C4orf51: variants seen among roughly 807,000 people sequenced by gnomAD.
C4orf51 encodes the protein uncharacterized protein C4orf51.
C4orf51 carries 25 observed loss-of-function variants against 25.2 expected under a neutral mutation model. The observed-to-expected ratio is 0.99, with a 90% CI of 0.72 to 1.39. The LOEUF (loss-of-function observed/expected upper bound fraction) is 1.39. C4orf51 is among the 40% of genes most tolerant of loss of function. C4orf51 has a pLI of 0.00. For synonymous variants in C4orf51, 100 were observed against 84.5 expected (o/e 1.18, Z -1.01); for missense variants, 252 against 239.6 (o/e 1.05, Z -0.34).
At chr4:145,729,084 G>A (rs954905966) in intron 3 of C4orf51, 85 bp from the exon 4 acceptor site, 2 of 954,418 alleles carry the variant, frequency 2.1e-6, no homozygotes, top group Non-Finnish European at 3.3e-6. Context: ...GGGGTGGGGA[G>A]GAACAATGTT....
chr4:145,761,520 G>A lies in C4orf51; in HGVS notation n.167-9468G>A. 7.8e-7 allele frequency: 1 copy of A among 1,289,752 alleles called. No individual in the cohort carries two copies. The allele number at this position is 1,289,752 out of a possible 1,614,324, so 79.9% of individuals were successfully genotyped here. ...TCACCGTCTGGCAGATCCGGCACTTGTACTCCATCTTGTAGTGGGTCTTGA... is the reference window on the plus strand; with the variant it reads ...TCACCGTCTGGCAGATCCGGCACTTATACTCCATCTTGTAGTGGGTCTTGA... On this transcript the variant is annotated intron_variant and non_coding_transcript_variant, in intron 1 of 1. Coordinates refer to the C4orf51 transcript ENST00000510096. The surrounding 1 kb of genome is among the most constrained non-coding windows in gnomAD (Gnocchi z 6.8).
intron 1 of C4orf51, among the ~76,000 whole-genome samples, chr4:145,768,900 T>A (rs1470675356): frequency 2.7e-4 from 6 of 21,888 alleles, no homozygotes; most frequent in African/African-American, 4.0e-4. Flanking sequence ...AATATATATA[T>A]ATATATATAT....
chr4:145,681,062 G>A (rs981985969), intron 1 of C4orf51, among the ~76,000 whole-genome samples: 7 of 152,154 alleles, frequency 4.6e-5, no homozygotes, highest in Non-Finnish European at 7.3e-5. Flanking sequence ...AAAGGCAGGC[G>A]AGGTGGGGAA....
intron 2 of C4orf51, among the ~76,000 whole-genome samples, chr4:145,700,194 AC>A: frequency 8.7e-6 from 1 of 114,896 alleles, no homozygotes; most frequent in Non-Finnish European, 1.8e-5. Flanking sequence ...TTATTTCTGC[AC>A]CCCAACCTCT....
the C4orf51 span, chr4:145,776,086 G>A: frequency 9.4e-7 from 1 of 1,059,800 alleles, no homozygotes; most frequent in East Asian, 2.4e-5. Flanking sequence ...TGGAGACAAT[G>A]GTAATGCCTA....
chr4:145,775,686 T>C, downstream of C4orf51: 2 of 1,407,220 alleles, frequency 1.4e-6, no homozygotes, highest in Non-Finnish European at 2.0e-6. Flanking sequence ...AGGCTATGAC[T>C]GAGAAAAGGG....
At chr4:145,719,498 G>A (rs1172384327) in intron 2 of C4orf51, among the ~76,000 whole-genome samples, 5 of 151,486 alleles carry the variant, frequency 3.3e-5, no homozygotes, top group Non-Finnish European at 5.9e-5. Flanking sequence ...CCAGCTACTC[G>A]GGAGGCTGAG....
intron 2 of C4orf51, among the ~76,000 whole-genome samples, chr4:145,712,218 G>C (rs571283915): frequency 6.6e-6 from 1 of 152,068 alleles, no homozygotes; most frequent in African/African-American, 2.4e-5. Context: ...GCCTCTAATG[G>C]TTTGAGTGAA....
downstream of C4orf51, chr4:145,759,250 A>C (rs1482851143): frequency 6.6e-6 from 1 of 152,248 alleles, no homozygotes; most frequent in Non-Finnish European, 1.5e-5. Context: ...TTAAAAATAC[A>C]AGCAATGAAC....
In C4orf51 at chr4:145,726,943, A is replaced by G; in HGVS notation, c.340A>G (p.Lys114Glu). The G allele has an allele frequency of 6.2e-7, 1 of 1,613,696 alleles. No homozygotes were observed. Among genetic ancestry groups the G allele is most frequent in the Middle Eastern group, 1.6e-4 (1 of 6,062 alleles). ...LFPDITRPFKKSFDVKHGVAH... is the reference protein window; with the variant it reads ...LFPDITRPFKESFDVKHGVAH... The stretch of plus-strand genomic sequence containing the variant: ...CCCTGATATAACCAGGCCCTTTAAA[A>G]AGTCATTTGATGTCAAGCATGGAGT... Residue 114 changes from lysine (K) to glutamate (E), a missense_variant, in exon 3 of 6, where the codon AAG becomes GAG. Transcript: ENST00000438731.
At chr4:145,755,055 G>A (rs144623920), downstream of C4orf51, among the ~76,000 whole-genome samples, 273 of 152,248 alleles carry the variant, frequency 1.8e-3, no homozygotes, top group African/African-American at 6.3e-3. Context: ...ATATTGAGGT[G>A]CCATTTTTGC....
intron 1 of C4orf51, among the ~76,000 whole-genome samples, chr4:145,742,287 T>A (rs996708068): frequency 1.3e-5 from 2 of 152,182 alleles, no homozygotes; most frequent in Non-Finnish European, 2.9e-5. Context: ...CTCTGTTTCT[T>A]CTCATTCTCA....
At chr4:145,729,057 A>T in intron 3 of C4orf51, 112 bp from the exon 4 acceptor site, 1 of 741,184 alleles carries the variant, frequency 1.3e-6, no homozygotes, top group Non-Finnish European at 2.3e-6. Flanking sequence ...CAGCAGTATC[A>T]GTGCTTTCTG....
chr4:145,734,085 C>G (rs1409865027), downstream of C4orf51, among the ~76,000 whole-genome samples: 1 of 152,206 alleles, frequency 6.6e-6, no homozygotes, highest in Non-Finnish European at 1.5e-5. Context: ...TAGGTTGCAA[C>G]AGTAACCTGG....
downstream of C4orf51, among the ~76,000 whole-genome samples, chr4:145,757,317 G>A (rs1734020511): frequency 6.6e-6 from 1 of 152,336 alleles, no homozygotes; most frequent in East Asian, 1.9e-4. Flanking sequence ...ATGTTAAGCA[G>A]GAGAGGATAG....
chr4:145,686,914 A>T (rs958084528), intron 1 of C4orf51, among the ~76,000 whole-genome samples: 1 of 152,048 alleles, frequency 6.6e-6, no homozygotes, highest in Non-Finnish European at 1.5e-5. Flanking sequence ...TGAAAAATCT[A>T]TTCTTGCCAC....
downstream of C4orf51, chr4:145,775,689 G>A: frequency 7.0e-7 from 1 of 1,433,820 alleles, no homozygotes; most frequent in Non-Finnish European, 9.6e-7. Context: ...CTATGACTGA[G>A]AAAAGGGGCC....
chr4:145,781,195 C>CAAAAAAAAAA, the C4orf51 span, among the ~76,000 whole-genome samples: 164 of 56,556 alleles, frequency 2.9e-3, 1 homozygote, highest in East Asian at 6.1e-3. Flanking sequence ...GACACCATCT[C>CAAAAAAAAAA]AAAAAAAAAA....
chr4:145,694,412 G>T (rs1347747263), intron 1 of C4orf51, among the ~76,000 whole-genome samples: 1 of 137,926 alleles, frequency 7.3e-6, no homozygotes, highest in Non-Finnish European at 1.6e-5. Context: ...CCCCGTCTGG[G>T]AGGTGAGGGG....
Sources: gnomAD v4.1 joint callset for allele counts (sites outside exome capture counted in the v4.1 genomes callset) on GRCh38, gnomAD v4.1.1 for gene constraint, Gnocchi (gnomAD v3.1) non-coding constraint, MANE v1.5 for transcripts, NCBI Gene and HGNC (gene_info 2026-07-23, HGNC 2026-07-21) for gene names.